AFF2: variants seen among roughly 807,000 people sequenced by gnomAD.
AFF2 encodes ALF transcription elongation factor 2.
AFF2 carries 14 observed loss-of-function variants against 76.9 expected under a neutral mutation model. That is an observed-to-expected ratio of 0.18 (90% CI 0.12 to 0.28). AFF2 has a LOEUF of 0.28. Among genes scored for constraint, AFF2 ranks in the 10% least tolerant of loss-of-function variants. AFF2 has a pLI of 1.00. For missense variants in AFF2, 868 were observed against 1,001.1 expected (o/e 0.87, Z 1.79); for synonymous variants, 398 against 366.7 (o/e 1.09, Z -0.98).
rs782456248 is a variant in AFF2, at chrX:148,953,716, G to A, written c.1534G>A (p.Ala512Thr). The change falls in exon 10 of 21, where the codon GCA (alanine) becomes ACA (threonine). Residue 512 changes from alanine to threonine, a missense_variant. Ala to Thr is a moderately conservative substitution (Grantham distance 58). Transcript: ENST00000370460. ...SSTTDSESNE[A>T]PRVATPEPEP... ...CACCACTGACAGCGAATCTAATGAG[G>A]CACCTCGTGTGGCAACTCCAGAGGT... is the stretch of plus-strand genomic sequence containing the variant. 1.7e-6 allele frequency: 2 copies of A among 1,207,319 alleles called. No individual in the cohort carries two copies. The highest frequency in any genetic ancestry group is 3.5e-5 in the African/African-American group (2 of 56,431).
chrX:148,678,312 GA>G (rs1209640632), intron 3 of AFF2, among the ~76,000 whole-genome samples: 5 of 111,019 alleles, frequency 4.5e-5, no homozygotes, highest in African/African-American at 3.3e-5. Context: ...TAAGTGAAAA[GA>G]AAAAAAATCA....
At chrX:148,741,232 C>T (rs930549855) in intron 3 of AFF2, among the ~76,000 whole-genome samples, 8 of 111,415 alleles carry the variant, frequency 7.2e-5, no homozygotes, top group Non-Finnish European at 1.1e-4. Flanking sequence ...TCTTCCACTA[C>T]CAGGGTGGAT....
Position 148,928,151 on chromosome X carries a change from G to GA in AFF2, c.1397+23898dup, listed in dbSNP as rs1244710965. 2.7e-5 allele frequency among the ~76,000 whole-genome samples: 3 copies of GA among 111,657 alleles called. No individual in the cohort carries two copies. The South Asian group carries it at 1.1e-3, about 42-fold the overall frequency. On this transcript the variant is annotated intron_variant, in intron 9 of 20. Transcript: ENST00000370460. ...AGGGCATTTCACAGTAAAAGCAATT[G>GA]AAAAAGAAGCTGCAATGGAATATCT... is the stretch of plus-strand genomic sequence containing the variant.
intron 1 of AFF2, among the ~76,000 whole-genome samples, chrX:148,517,684 C>T (rs1557233984): frequency 2.7e-5 from 3 of 111,625 alleles, no homozygotes; most frequent in Admixed American, 9.5e-5. Flanking sequence ...TTCAACTGTA[C>T]AGTATTGGTT....
At chrX:148,899,976 A>G (rs1374674760) in intron 8 of AFF2, among the ~76,000 whole-genome samples, 1 of 110,386 alleles carries the variant, frequency 9.1e-6, no homozygotes, top group Non-Finnish European at 1.9e-5. Context: ...CCCCCAAAAG[A>G]TTCTCTACAT....
At chrX:148,958,141 A>G (rs1193958886) in intron 11 of AFF2, among the ~76,000 whole-genome samples, 196 bp from the exon 12 acceptor site, 1 of 111,897 alleles carries the variant, frequency 8.9e-6, no homozygotes, top group Non-Finnish European at 1.9e-5. Flanking sequence ...TCAAATGCCA[A>G]CTTCTTTGTA....
intron 19 of AFF2, among the ~76,000 whole-genome samples, chrX:148,985,177 G>A (rs192289979): frequency 8.5e-4 from 90 of 106,403 alleles, no homozygotes; most frequent in Middle Eastern, 5.0e-3. Context: ...TAGAGACGGG[G>A]TTTCACCATG....
rs1202839168 is a variant in AFF2 at position 148,956,330 on chromosome X, G to A, written c.2285G>A (p.Ser762Asn). 23 of 1,210,057 alleles carry A rather than the reference G, an allele frequency of 1.9e-5. No homozygotes were observed. The highest frequency in any genetic ancestry group is 2.3e-5 in the Non-Finnish European group (21 of 895,324). The change falls in exon 11 of 21, where the codon AGC becomes AAC. Residue 762 changes from serine to asparagine, a missense_variant. Transcript: ENST00000370460. ...ASLTLSTLMS[S>N]SGSNNNLSIS... ...CTGACCCTCAGCACCTTAATGAGTA[G>A]CAGTGGCAGCAACAACAACTTATCC...
intron 1 of AFF2, among the ~76,000 whole-genome samples, chrX:148,548,090 C>T (rs1451917893): frequency 8.9e-6 from 1 of 112,538 alleles, no homozygotes; most frequent in Non-Finnish European, 1.9e-5. Flanking sequence ...CACTGCAAGT[C>T]AATTGTTTTT....
intron 19 of AFF2, among the ~76,000 whole-genome samples, chrX:148,981,262 C>T (rs1390943952): frequency 9.0e-6 from 1 of 111,668 alleles, no homozygotes. Context: ...AATGCCCTAG[C>T]CTAAGATAGA....
chrX:148,728,107 G>A (rs1326232943), intron 3 of AFF2, among the ~76,000 whole-genome samples: 4 of 112,125 alleles, frequency 3.6e-5, no homozygotes, highest in African/African-American at 1.3e-4. Context: ...GAGCTTGGGC[G>A]TGGCATGCAA....
chrX:148,611,428 A>G (rs1557249493), intron 1 of AFF2, among the ~76,000 whole-genome samples: 1 of 112,212 alleles, frequency 8.9e-6, no homozygotes, highest in Non-Finnish European at 1.9e-5. Context: ...AAATCATCAC[A>G]CACTTAGTGG....
At chrX:148,703,873 G>A in intron 3 of AFF2, among the ~76,000 whole-genome samples, 1 of 109,806 alleles carries the variant, frequency 9.1e-6, no homozygotes, top group Non-Finnish European at 1.9e-5. Context: ...ACCTTAAATA[G>A]GCCAGAAAAA....
chrX:148,890,947 A>G (rs1464963182), intron 8 of AFF2, among the ~76,000 whole-genome samples: 1 of 112,302 alleles, frequency 8.9e-6, no homozygotes, highest in African/African-American at 3.2e-5. Context: ...CTGAATAAAC[A>G]TATGTGCTGC....
intron 3 of AFF2, among the ~76,000 whole-genome samples, chrX:148,807,443 C>G (rs930688894): frequency 2.7e-5 from 3 of 111,764 alleles, no homozygotes; most frequent in African/African-American, 9.8e-5. Context: ...TACTATTATT[C>G]TTTCCTTTTC....
intron 1 of AFF2, among the ~76,000 whole-genome samples, chrX:148,511,204 C>T (rs1023253266): frequency 8.2e-5 from 9 of 110,175 alleles, no homozygotes; most frequent in Non-Finnish European, 1.7e-4. Flanking sequence ...ATGAGGTATA[C>T]CTACATTTAA....
chrX:148,593,360 C>A (rs1400228650), intron 1 of AFF2, among the ~76,000 whole-genome samples: 1 of 112,229 alleles, frequency 8.9e-6, no homozygotes, highest in Non-Finnish European at 1.9e-5. Context: ...GGAAGTTTGG[C>A]AAAGAACGTA....
intron 1 of AFF2, among the ~76,000 whole-genome samples, chrX:148,520,161 A>T (rs1369639324): frequency 9.0e-6 from 1 of 111,292 alleles, no homozygotes; most frequent in African/African-American, 3.3e-5. Flanking sequence ...TGAAACCCGA[A>T]ATGCATATTG....
At chrX:148,813,183 C>T (rs2124643104) in intron 4 of AFF2, among the ~76,000 whole-genome samples, 1 of 111,834 alleles carries the variant, frequency 8.9e-6, no homozygotes, top group South Asian at 3.7e-4. Context: ...ACCTGCAGTC[C>T]AGGGTGGGGC....
Sources: gnomAD v4.1 joint callset for allele counts (sites outside exome capture counted in the v4.1 genomes callset) on GRCh38, gnomAD v4.1.1 for gene constraint, MANE v1.5 for transcripts, NCBI Gene and HGNC (gene_info 2026-07-23, HGNC 2026-07-21) for gene names.